Variants in TATDN1 observed in about 807,000 individuals in gnomAD.
TATDN1 encodes the protein deoxyribonuclease TATDN1.
Under a neutral mutation model 46.4 loss-of-function variants are expected in TATDN1, and 40 were observed. That is an observed-to-expected ratio of 0.86 (90% confidence interval 0.67 to 1.12). TATDN1 has a LOEUF of 1.12. TATDN1 is among the 50% of genes most tolerant of loss of function. The pLI, the probability that TATDN1 is intolerant of heterozygous loss-of-function variation, is 0.00. For missense variants in TATDN1, 326 were observed against 348.4 expected, an observed-to-expected ratio of 0.94 and a Z score of 0.51; for synonymous variants, 95 against 105.6, an observed-to-expected ratio of 0.90 and a Z score of 0.62.
chr8:124,501,651 A>G (rs1817973019), intron 9 of TATDN1, among the ~76,000 whole-genome samples: 1 of 152,216 alleles, frequency 6.6e-6, no homozygotes, highest in African/African-American at 2.4e-5. Flanking sequence ...TTTCATAAAA[A>G]GGGTTACAAA....
intron 6 of TATDN1, among the ~76,000 whole-genome samples, chr8:124,509,977 G>A (rs1232244924): frequency 6.7e-6 from 1 of 150,262 alleles, no homozygotes; most frequent in Non-Finnish European, 1.5e-5. Context: ...GTTGCAGTGA[G>A]CTGAGATTGT....
intron 6 of TATDN1, 134 bp from the exon 7 acceptor site, chr8:124,508,822 T>G (rs1341412360): frequency 1.0e-5 from 6 of 602,588 alleles, no homozygotes; most frequent in Non-Finnish European, 1.7e-5. Flanking sequence ...CATGAATATT[T>G]AAAGCACATC....
At chr8:124,510,578 C>T (rs1818920813) in intron 6 of TATDN1, among the ~76,000 whole-genome samples, 2 of 152,174 alleles carry the variant, frequency 1.3e-5, no homozygotes, top group Non-Finnish European at 2.9e-5. Context: ...AATCCCAGCA[C>T]TTTGGGAGGC....
At chr8:124,497,924 G>A (rs1343840545) in intron 9 of TATDN1, among the ~76,000 whole-genome samples, 1 of 152,128 alleles carries the variant, frequency 6.6e-6, no homozygotes, top group Non-Finnish European at 1.5e-5. Context: ...TGATTCCCTA[G>A]CTTCGTCCAA....
Position 124,515,993 on chromosome 8 carries a change from T to C in TATDN1, c.240A>G (p.Arg80=). ...FFSTVGCHPT[R]CGEFEKNNPD... ...GGTTATTCTTTTCAAATTCACCACA[T>C]CTTGTAGGATGACATCCAACTGTAC... Residue 80 remains arginine, a synonymous_variant, in exon 5 of 12, where the codon AGA becomes AGG. Transcript: ENST00000276692. 3 of 1,613,682 alleles carry C rather than the reference T, an allele frequency of 1.9e-6. No individual in the cohort carries two copies. The highest frequency in any genetic ancestry group is 2.5e-6 in the Non-Finnish European group (3 of 1,179,872).
chr8:124,494,050 A>G (rs1471352924), intron 10 of TATDN1, 91 bp from the exon 11 acceptor site: 6 of 1,252,484 alleles, frequency 4.8e-6, no homozygotes, highest in Non-Finnish European at 5.3e-6. Context: ...TAAATGATAA[A>G]CCGTGATTCA....
chr8:124,507,191 G>A (rs550033296), intron 8 of TATDN1, among the ~76,000 whole-genome samples: 22 of 151,902 alleles, frequency 1.4e-4, no homozygotes, highest in Admixed American at 6.6e-4. Context: ...CATAGATATC[G>A]GAGGTATGTG....
chr8:124,506,334 C>CAAAAAAAAAAAAAA (rs56023168), intron 8 of TATDN1, among the ~76,000 whole-genome samples: 101 of 51,788 alleles, frequency 2.0e-3, no homozygotes, highest in East Asian at 5.9e-3. Context: ...GGCTCTGTCT[C>CAAAAAAAAAAAAAA]AAAAAAAAAA....
intron 9 of TATDN1, among the ~76,000 whole-genome samples, chr8:124,500,358 T>C (rs1387641255): frequency 6.6e-6 from 1 of 152,174 alleles, no homozygotes; most frequent in African/African-American, 2.4e-5. Context: ...GAGAAAAGAA[T>C]CTTTTGTGAT....
chr8:124,504,379 T>C (rs1818224706), intron 8 of TATDN1, 32 bp from the exon 9 acceptor site: 2 of 1,401,444 alleles, frequency 1.4e-6, no homozygotes, highest in Non-Finnish European at 9.7e-7. Context: ...TTTATTATTA[T>C]AATAATTACT....
chr8:124,515,876 C>A lies in TATDN1; in HGVS notation c.346+11G>T, dbSNP rs1435435170. On this transcript the variant is annotated intron_variant, in intron 5 of 11. Transcript: ENST00000276692. ...AACAATGTCACTCTAAGAGGCGAGGCTGGCACTCACCAAGTCCGCATTCTC... is the reference window on the plus strand; with the variant it reads ...AACAATGTCACTCTAAGAGGCGAGGATGGCACTCACCAAGTCCGCATTCTC... 2 of 1,614,042 alleles carry A rather than the reference C, an allele frequency of 1.2e-6. No individual in the cohort carries two copies. Among genetic ancestry groups the A allele is most frequent in the South Asian group, 2.2e-5 (2 of 91,052 alleles).
chr8:124,517,424 T>TC (rs1554614025), intron 4 of TATDN1, among the ~76,000 whole-genome samples: 2 of 93,328 alleles, frequency 2.1e-5, no homozygotes, highest in African/African-American at 7.6e-5. Context: ...CAAGACTGTC[T>TC]CAAAAAAAAA....
chr8:124,508,546 A>G lies in TATDN1; in HGVS notation c.476-32T>C, dbSNP rs751264705. ...ATTAAAAACAAAGAACTTTTAGCAA[A>G]TAGCTTGATTTCTACAAAATTCTTA... is the stretch of plus-strand genomic sequence containing the variant. On this transcript the variant is annotated intron_variant, in intron 7 of 11. Coordinates refer to ENST00000276692, the MANE Select transcript of TATDN1 (RefSeq NM_032026.4). 42 of 1,610,764 alleles carry G rather than the reference A, an allele frequency of 2.6e-5. 1 individual carries two copies. In the South Asian group the frequency reaches 4.7e-4, roughly 18 times the overall value.
intron 6 of TATDN1, 38 bp from the exon 7 acceptor site, chr8:124,508,726 T>C (rs755005323): frequency 2.0e-5 from 27 of 1,329,752 alleles, no homozygotes; most frequent in Non-Finnish European, 2.7e-5. Context: ...CATTACAAAT[T>C]GTATTTTAGC....
At chr8:124,521,307 G>A (rs1820025103) in intron 3 of TATDN1, among the ~76,000 whole-genome samples, 1 of 152,110 alleles carries the variant, frequency 6.6e-6, no homozygotes, top group South Asian at 2.1e-4. Context: ...CTTCAGTTCT[G>A]TCATTCCTAA....
intron 1 of TATDN1, among the ~76,000 whole-genome samples, chr8:124,530,073 A>C (rs1216134189): frequency 4.0e-5 from 6 of 151,242 alleles, no homozygotes; most frequent in Admixed American, 3.9e-4. Context: ...CCTGGGTAAC[A>C]GGCCAAGACT....
intron 9 of TATDN1, among the ~76,000 whole-genome samples, chr8:124,502,614 G>C (rs1312847530): frequency 6.6e-6 from 1 of 152,158 alleles, no homozygotes; most frequent in Non-Finnish European, 1.5e-5. Context: ...GGAATACATG[G>C]GATCTAAAAA....
Position 124,503,949 on chromosome 8 carries a change from A to C in TATDN1, c.593+322T>G, listed in dbSNP as rs1293733608. ...GATATGACGTGTATATGTATACATA[A>C]TGCTGTGAACACATGTTTTCAAGGG... On this transcript the variant is annotated intron_variant, in intron 9 of 11. Coordinates refer to ENST00000276692, the MANE Select transcript of TATDN1 (RefSeq NM_032026.4). The C allele has an allele frequency of 7.6e-6, 10 of 1,310,838 alleles. No homozygotes were observed. The Admixed American group carries it at 2.0e-4, about 27-fold the overall frequency. 81.2% of individuals were successfully genotyped at this position (1,310,838 alleles called of 1,614,324 possible).
At chr8:124,522,320 TAAGAAGACC>T in intron 2 of TATDN1, 120 bp from the exon 3 acceptor site, 1 of 692,768 alleles carries the variant, frequency 1.4e-6, no homozygotes, top group Non-Finnish European at 2.6e-6. Context: ...CTTCTACAGG[TAAGAAGACC>T]TTAATTAAAC....
Sources: gnomAD v4.1 joint callset for allele counts (sites outside exome capture counted in the v4.1 genomes callset) on GRCh38, gnomAD v4.1.1 for gene constraint, MANE v1.5 for transcripts, NCBI Gene and HGNC (gene_info 2026-07-23, HGNC 2026-07-21) for gene names.